Variants in RASGRP3 observed in about 807,000 individuals in gnomAD.
The protein encoded by RASGRP3 is ras guanyl-releasing protein 3.
In RASGRP3, 54 loss-of-function variants were observed where a neutral mutation model predicts 82.7. The ratio of observed to expected loss-of-function variants is 0.65; its 90% CI spans 0.52 to 0.82. The LOEUF (loss-of-function observed/expected upper bound fraction) is 0.82, where lower values mean the gene tolerates loss of function less well. Among genes scored for constraint, RASGRP3 ranks in the 40% least tolerant of loss-of-function variants. The pLI is 0.00. For synonymous variants in RASGRP3, 309 were observed against 300.5 expected, an observed-to-expected ratio of 1.03 and a Z score of -0.29; for missense variants, 861 against 828.9, an observed-to-expected ratio of 1.04 and a Z score of -0.48.
chr2:33,530,988 C>A lies in RASGRP3; in HGVS notation c.1084-3335C>A, dbSNP rs1040843839. On this transcript the variant is annotated intron_variant, in intron 10 of 17. Transcript: ENST00000403687. ...CTTTTCATGGTATTTTTAGCCCTAT[C>A]AGTTACTTTTACCATTTTGAGTACA... is the stretch of plus-strand genomic sequence containing the variant. 6 of 152,178 alleles carry A rather than the reference C, an allele frequency of 3.9e-5. No homozygotes were observed. The East Asian group carries it at 1.2e-3, about 29-fold the overall frequency. 9.4% of individuals were successfully genotyped at this position (152,178 alleles called of 1,614,324 possible). A position where few individuals can be genotyped will look rare whatever the true frequency, so the allele number is the denominator to read the frequency against.
At chr2:33,478,956 C>T (rs1667625835) in intron 1 of RASGRP3, among the ~76,000 whole-genome samples, 2 of 152,150 alleles carry the variant, frequency 1.3e-5, no homozygotes, top group African/African-American at 2.4e-5. Flanking sequence ...AACTGAGGTT[C>T]TTGACCATAC....
chr2:33,498,075 A>G (rs888615605), intron 1 of RASGRP3, among the ~76,000 whole-genome samples: 7 of 152,104 alleles, frequency 4.6e-5, no homozygotes, highest in Non-Finnish European at 1.0e-4. Context: ...GGTAAAATGT[A>G]TGTGGCTTAT....
intron 13 of RASGRP3, among the ~76,000 whole-genome samples, chr2:33,546,028 T>C (rs892176077): frequency 2.0e-5 from 3 of 152,136 alleles, no homozygotes; most frequent in Non-Finnish European, 4.4e-5. Flanking sequence ...CAGGCTGTTC[T>C]TGAACTCCTG....
At chr2:33,497,237 A>G (rs1293252186) in intron 1 of RASGRP3, among the ~76,000 whole-genome samples, 1 of 152,220 alleles carries the variant, frequency 6.6e-6, no homozygotes, top group South Asian at 2.1e-4. Context: ...AAATAAATAT[A>G]TACATGCTCT....
At chr2:33,490,046 TTC>T (rs1668718843) in intron 1 of RASGRP3, among the ~76,000 whole-genome samples, 1 of 152,240 alleles carries the variant, frequency 6.6e-6, no homozygotes, top group African/African-American at 2.4e-5. Flanking sequence ...ATTTATGTGA[TTC>T]TTTCTCATGT....
At position 33,462,243 on chromosome 2, in the gene RASGRP3, C is replaced by G. The variant is rs991369904; in HGVS notation, c.-261+14300C>G. 1.4e-4 allele frequency among the ~76,000 whole-genome samples: 22 copies of G among 151,946 alleles called. 1 individual carries two copies. The highest frequency in any genetic ancestry group is 1.4e-3 in the Admixed American group (21 of 15,282). Reference sequence around the variant, plus strand: ...AGTGAGCTGCCATGTGAACCCAGAACAGCTTAGTGGACTCAAAAGGAGGCC... The same window carrying G: ...AGTGAGCTGCCATGTGAACCCAGAAGAGCTTAGTGGACTCAAAAGGAGGCC... On this transcript the variant is annotated intron_variant, in intron 2 of 18. Coordinates refer to the RASGRP3 transcript ENST00000402538.
rs1275353982 is a variant in RASGRP3 at position 33,553,864 on chromosome 2, G to C, written c.1543-1667G>C. ...AGTGATTCTCCTGCCTCAGTCTCCT[G>C]AATAGCTGGGACTATAGGCACACAC... On this transcript the variant is annotated intron_variant, in intron 14 of 17. Transcript: ENST00000403687. Among the ~76,000 whole-genome samples, 3 of 152,040 alleles carry C rather than the reference G, an allele frequency of 2.0e-5. No individual in the cohort carries two copies. In the East Asian group the frequency reaches 5.8e-4, roughly 29 times the overall value.
chr2:33,462,384 C>CTTT (rs375192496), intron 2 of RASGRP3, among the ~76,000 whole-genome samples: 1 of 138,930 alleles, frequency 7.2e-6, no homozygotes. Context: ...TTTTGTTTTT[C>CTTT]TTTTTTTTTT....
chr2:33,509,665 G>A (rs763590302), intron 1 of RASGRP3, among the ~76,000 whole-genome samples: 1 of 152,064 alleles, frequency 6.6e-6, no homozygotes, highest in Non-Finnish European at 1.5e-5. Flanking sequence ...CTCCCTACCT[G>A]CTCTGTGCTC....
intron 2 of RASGRP3, among the ~76,000 whole-genome samples, chr2:33,459,440 T>A (rs566237839): frequency 1.3e-5 from 2 of 152,316 alleles, no homozygotes; most frequent in South Asian, 4.1e-4. Flanking sequence ...AGCCAAGACT[T>A]TTTAAGTCTA....
intron 12 of RASGRP3, among the ~76,000 whole-genome samples, chr2:33,542,010 A>C (rs1314903881): frequency 6.8e-6 from 1 of 146,932 alleles, no homozygotes; most frequent in African/African-American, 2.4e-5. Flanking sequence ...AGGCTGATGC[A>C]GGAGGATGGA....
At chr2:33,491,291 G>T (rs1289219918) in intron 1 of RASGRP3, among the ~76,000 whole-genome samples, 1 of 151,898 alleles carries the variant, frequency 6.6e-6, no homozygotes, top group Non-Finnish European at 1.5e-5. Context: ...ACTCCAGCCT[G>T]GGGCAACAGA....
chr2:33,509,873 C>T (rs1428635274), intron 1 of RASGRP3, among the ~76,000 whole-genome samples: 1 of 152,132 alleles, frequency 6.6e-6, no homozygotes, highest in African/African-American at 2.4e-5. Context: ...AATTGTCTTT[C>T]AGAGTTTTTA....
chr2:33,511,694 T>G lies in RASGRP3; in HGVS notation c.-260-16T>G, dbSNP rs542831759. ...ATCTAATTCTATATGGGGGTTTCTT[T>G]CTGTTCTTTTGTCAGGTTCTCCAAA... On this transcript the variant is annotated splice_polypyrimidine_tract_variant and intron_variant, in intron 1 of 17. Coordinates refer to ENST00000403687, the MANE Select transcript of RASGRP3 (RefSeq NM_001139488.2). 23 of 152,792 alleles carry G rather than the reference T, an allele frequency of 1.5e-4. No individual in the cohort carries two copies. The highest frequency in any genetic ancestry group is 5.5e-4 in the African/African-American group (23 of 41,596). 9.5% of individuals were successfully genotyped at this position (152,792 alleles called of 1,614,324 possible).
chr2:33,436,885 TA>T (rs1482799433), intron 1 of RASGRP3, among the ~76,000 whole-genome samples: 1 of 152,202 alleles, frequency 6.6e-6, no homozygotes, highest in East Asian at 1.9e-4. Context: ...TGATCACCTT[TA>T]AAAATATATT....
At chr2:33,442,170 C>G (rs1665257830) in intron 1 of RASGRP3, among the ~76,000 whole-genome samples, 1 of 152,156 alleles carries the variant, frequency 6.6e-6, no homozygotes, top group South Asian at 2.1e-4. Context: ...AATTTCTTAG[C>G]CTGGCCAATA....
At chr2:33,547,419 C>A (rs1674906026) in intron 13 of RASGRP3, among the ~76,000 whole-genome samples, 1 of 110,414 alleles carries the variant, frequency 9.1e-6, no homozygotes, top group African/African-American at 3.5e-5. Context: ...GTACAAAAAT[C>A]AAAGTTATTT....
intron 11 of RASGRP3, among the ~76,000 whole-genome samples, chr2:33,537,242 T>C (rs1673704925): frequency 6.7e-6 from 1 of 148,934 alleles, no homozygotes; most frequent in Admixed American, 6.8e-5. Context: ...AGTAGTGAGA[T>C]GGTGCCTGTG....
chr2:33,452,131 T>C (rs1665833611), intron 2 of RASGRP3, among the ~76,000 whole-genome samples: 1 of 152,214 alleles, frequency 6.6e-6, no homozygotes, highest in South Asian at 2.1e-4. Flanking sequence ...CATATTGTTT[T>C]CATGATTTGA....
Sources: gnomAD v4.1 joint callset for allele counts (sites outside exome capture counted in the v4.1 genomes callset) on GRCh38, gnomAD v4.1.1 for gene constraint, MANE v1.5 for transcripts, NCBI Gene and HGNC (gene_info 2026-07-23, HGNC 2026-07-21) for gene names.